The following CDH18 variants were observed in gnomAD, a reference collection of about 807,000 sequenced individuals.
CDH18 encodes the protein cadherin 18, also known as cadherin-18.
In CDH18, 31 loss-of-function variants were observed where a neutral mutation model predicts 67.9. That is an observed-to-expected ratio of 0.46 (90% CI 0.34 to 0.62). CDH18 has a LOEUF of 0.62. Among genes scored for constraint, CDH18 ranks in the 20% least tolerant of loss-of-function variants. CDH18 has a pLI of 0.01. For synonymous variants in CDH18, 362 were observed against 347.2 expected (o/e 1.04, Z -0.48); for missense variants, 890 against 975.5 (o/e 0.91, Z 1.17).
At chr5:20,176,213 C>G (rs1472640672) in intron 2 of CDH18, among the ~76,000 whole-genome samples, 4 of 152,138 alleles carry the variant, frequency 2.6e-5, no homozygotes, top group Non-Finnish European at 5.9e-5. Context: ...CTTCACCGAT[C>G]TGGGTCAGGT....
chr5:20,161,869 TAATC>T (rs1561840480), intron 2 of CDH18, among the ~76,000 whole-genome samples: 1 of 152,196 alleles, frequency 6.6e-6, no homozygotes, highest in Non-Finnish European at 1.5e-5. Context: ...GAATTTTTCT[TAATC>T]AATAAGATTA....
intron 11 of CDH18, among the ~76,000 whole-genome samples, chr5:19,486,087 C>T (rs954456722): frequency 6.6e-6 from 1 of 151,932 alleles, no homozygotes. Flanking sequence ...AAAGTTTTGA[C>T]TTTTGAAAAG....
intron 8 of CDH18, among the ~76,000 whole-genome samples, chr5:19,552,111 C>G (rs1272357192): frequency 6.6e-6 from 1 of 151,988 alleles, no homozygotes; most frequent in African/African-American, 2.4e-5. Flanking sequence ...CTATCCAGGC[C>G]AGTATGTTTT....
chr5:19,537,620 A>G (rs1749629147), intron 9 of CDH18, among the ~76,000 whole-genome samples: 4 of 152,106 alleles, frequency 2.6e-5, no homozygotes, highest in South Asian at 2.1e-4. Context: ...TATCCTCCCT[A>G]TGAAACCTTC....
At chr5:19,713,389 C>T (rs897898324) in intron 5 of CDH18, among the ~76,000 whole-genome samples, 2 of 152,172 alleles carry the variant, frequency 1.3e-5, no homozygotes, top group Admixed American at 6.6e-5. Flanking sequence ...ACTCTGTTTG[C>T]TTAACAGCTT....
At chr5:20,527,750 C>T (rs1012908619) in intron 1 of CDH18, among the ~76,000 whole-genome samples, 1 of 152,072 alleles carries the variant, frequency 6.6e-6, no homozygotes, top group African/African-American at 2.4e-5. Flanking sequence ...TGCAAGAGCT[C>T]CTGTAGAAAG....
chr5:19,779,956 A>G (rs1387876600), intron 3 of CDH18, among the ~76,000 whole-genome samples: 1 of 152,184 alleles, frequency 6.6e-6, no homozygotes, highest in Non-Finnish European at 1.5e-5. Flanking sequence ...ATGCTTCCAT[A>G]TAACAATGTG....
chr5:20,248,166 A>G (rs1743531659), intron 2 of CDH18, among the ~76,000 whole-genome samples: 1 of 152,198 alleles, frequency 6.6e-6, no homozygotes, highest in Non-Finnish European at 1.5e-5. Flanking sequence ...AGATTTTGTT[A>G]AGACTTAAAA....
intron 5 of CDH18, among the ~76,000 whole-genome samples, chr5:19,704,504 G>A (rs941217998): frequency 2.2e-4 from 33 of 152,132 alleles, no homozygotes; most frequent in African/African-American, 8.0e-4. Context: ...GATACGTGAA[G>A]AGGGGTATGT....
Position 19,747,027 on chromosome 5 carries a change from G to A in CDH18, c.438C>T (p.Ile146=). ...NKPLEPESEF[I]IKVQDINDNA... is the part of the protein sequence containing the mutation. ...TGTCATTGATGTCTTGCACTTTGAT[G>A]ATGAACTCGGATTCAGGCTCAAGAG... The change falls in exon 4 of 13, where the codon ATC becomes ATT. Residue 146 remains isoleucine, a synonymous_variant. Coordinates refer to ENST00000382275, the MANE Select transcript of CDH18 (RefSeq NM_004934.5). 22 of 1,614,072 alleles carry A rather than the reference G, an allele frequency of 1.4e-5. No homozygotes were observed. Among genetic ancestry groups the A allele is most frequent in the Non-Finnish European group, 1.8e-5 (21 of 1,179,960 alleles).
At chr5:19,902,466 G>A (rs1004781110) in intron 2 of CDH18, among the ~76,000 whole-genome samples, 3 of 152,100 alleles carry the variant, frequency 2.0e-5, no homozygotes, top group South Asian at 2.1e-4. Context: ...CAAGCTGAGG[G>A]GCTGTGGAGC....
At chr5:19,882,811 G>T (rs1456156619) in intron 2 of CDH18, among the ~76,000 whole-genome samples, 2 of 152,100 alleles carry the variant, frequency 1.3e-5, no homozygotes, top group African/African-American at 4.8e-5. Context: ...TTATGGAATA[G>T]ATATTACTAT....
At position 19,502,984 on chromosome 5, in the gene CDH18, A is replaced by G; in HGVS notation, c.1630+8T>C. The G allele has an allele frequency of 1.0e-5, 15 of 1,451,840 alleles. No individual in the cohort carries two copies. Among genetic ancestry groups the G allele is most frequent in the Non-Finnish European group, 1.5e-5 (15 of 1,032,422 alleles). The allele number at this position is 1,451,840 out of a possible 1,614,324, so 89.9% of individuals were successfully genotyped here. ...CATAGATAAACAAATATGTGTATAT[A>G]TGTTCACCTTCATTGTCCTTCAGAG... On this transcript the variant is annotated splice_region_variant and intron_variant, in intron 11 of 12. Coordinates refer to ENST00000382275, the MANE Select transcript of CDH18 (RefSeq NM_004934.5).
At chr5:19,537,463 T>TAC (rs144638686) in intron 9 of CDH18, among the ~76,000 whole-genome samples, 50 of 150,906 alleles carry the variant, frequency 3.3e-4, no homozygotes, top group African/African-American at 8.7e-4. Flanking sequence ...ACATACACAT[T>TAC]ACACACACAC....
Position 19,747,218 on chromosome 5 carries a change from T to G in CDH18, c.247A>C (p.Lys83Gln). 1 of 1,613,634 alleles carries G rather than the reference T, an allele frequency of 6.2e-7. No homozygotes were observed. ...ATGTACTTGACAGATCCATCACCTTTGTCAGAATTGGAGTGCAGCTGTGAA... is the reference window on the plus strand; with the variant it reads ...ATGTACTTGACAGATCCATCACCTTGGTCAGAATTGGAGTGCAGCTGTGAA... Reference protein sequence around the residue: ...YVGKLHSNSDKGDGSVKYILT... With the variant: ...YVGKLHSNSDQGDGSVKYILT... The change falls in exon 4 of 13, where the codon AAA (lysine) becomes CAA (glutamine). Residue 83 changes from lysine (K) to glutamine (Q), a missense_variant. Physicochemically the swap from Lys to Gln is moderately conservative, Grantham distance 53. Around this residue, in one of 2 missense-constraint regions of CDH18, gnomAD observed 234 missense variants for 307.4 expected, o/e 0.76. Transcript: ENST00000382275.
At chr5:19,795,997 A>G (rs1211857015) in intron 3 of CDH18, among the ~76,000 whole-genome samples, 3 of 152,236 alleles carry the variant, frequency 2.0e-5, no homozygotes, top group Non-Finnish European at 4.4e-5. Context: ...GACAGAATAG[A>G]ATCAGTTAAC....
At chr5:20,034,474 C>A (rs1241690028) in intron 2 of CDH18, among the ~76,000 whole-genome samples, 2 of 152,010 alleles carry the variant, frequency 1.3e-5, no homozygotes, top group African/African-American at 4.8e-5. Flanking sequence ...AACATTATTT[C>A]TAGGTGCATC....
intron 2 of CDH18, among the ~76,000 whole-genome samples, chr5:20,171,712 TAA>T (rs1045279114): frequency 2.6e-5 from 4 of 152,128 alleles, no homozygotes; most frequent in Non-Finnish European, 5.9e-5. Context: ...CAAAAGCTCT[TAA>T]GTTTAATTGG....
chr5:19,753,171 C>G (rs1026562177), intron 3 of CDH18, among the ~76,000 whole-genome samples: 1 of 151,988 alleles, frequency 6.6e-6, no homozygotes, highest in Non-Finnish European at 1.5e-5. Context: ...GGATGCAAAC[C>G]AAGAAGAAAT....
Sources: allele counts gnomAD v4.1 joint callset (sites outside exome capture counted in the v4.1 genomes callset), GRCh38; gene constraint gnomAD v4.1.1; regional missense constraint gnomAD v4.1.1; transcripts MANE v1.5; gene names NCBI Gene and HGNC (gene_info 2026-07-23, HGNC 2026-07-21).